Variants in CFAP61 observed in about 807,000 individuals in gnomAD.
The protein encoded by CFAP61 is cilia and flagella associated protein 61.
In CFAP61, 107 loss-of-function variants were observed where a neutral mutation model predicts 135.6. That is an observed-to-expected ratio of 0.79 (90% confidence interval 0.67 to 0.93). CFAP61 has a LOEUF of 0.93. Ranked by LOEUF, CFAP61 falls within the 40% of genes least tolerant of loss-of-function variation. CFAP61 has a pLI of 0.00. For missense variants in CFAP61, 1,507 were observed against 1,556.2 expected (o/e 0.97, Z 0.53); for synonymous variants, 575 against 578.5 (o/e 0.99, Z 0.09).
intron 13 of CFAP61, among the ~76,000 whole-genome samples, chr20:20,187,363 T>G (rs1440244502): frequency 1.3e-5 from 2 of 152,152 alleles, no homozygotes; most frequent in Admixed American, 1.3e-4. Context: ...AAAACCATCA[T>G]GGAGAGACTG....
intron 13 of CFAP61, among the ~76,000 whole-genome samples, chr20:20,184,810 ACTT>A (rs2055385176): frequency 6.6e-6 from 1 of 152,100 alleles, no homozygotes; most frequent in Non-Finnish European, 1.5e-5. Context: ...TGACATAAGA[ACTT>A]CTGATGAAGT....
chr20:20,254,600 A>G (rs1180715131), intron 20 of CFAP61, among the ~76,000 whole-genome samples: 3 of 152,236 alleles, frequency 2.0e-5, no homozygotes, highest in Non-Finnish European at 4.4e-5. Context: ...ATCAAAGTAC[A>G]TAGAGTGGTA....
intron 8 of CFAP61, among the ~76,000 whole-genome samples, chr20:20,100,282 C>G (rs1156569356): frequency 6.6e-6 from 1 of 151,686 alleles, no homozygotes; most frequent in Non-Finnish European, 1.5e-5. Flanking sequence ...AAGTGATTCT[C>G]CTGTCTCAGC....
chr20:20,230,845 A>G (rs1306680531), intron 18 of CFAP61, among the ~76,000 whole-genome samples: 1 of 152,160 alleles, frequency 6.6e-6, no homozygotes, highest in African/African-American at 2.4e-5. Flanking sequence ...CAGGGGCCAC[A>G]GCGCCCTGCT....
chr20:20,235,311 G>C (rs1337574058), intron 18 of CFAP61, among the ~76,000 whole-genome samples: 3 of 152,024 alleles, frequency 2.0e-5, no homozygotes, highest in Admixed American at 1.3e-4. Flanking sequence ...TCTCCTCCTT[G>C]AACAGAGGCT....
intron 18 of CFAP61, among the ~76,000 whole-genome samples, chr20:20,240,569 G>A (rs1054576889): frequency 2.7e-5 from 4 of 150,088 alleles, no homozygotes; most frequent in Non-Finnish European, 3.0e-5. Flanking sequence ...TGTGGAGTCC[G>A]CCATCTTTTT....
Position 20,349,539 on chromosome 20 carries a change from T to C in CFAP61, c.3513+7618T>C, listed in dbSNP as rs900885867. 3.3e-5 allele frequency among the ~76,000 whole-genome samples: 5 copies of C among 152,144 alleles called. No homozygotes were observed. The East Asian group carries it at 5.8e-4, about 18-fold the overall frequency. On this transcript the variant is annotated intron_variant, in intron 26 of 26. Coordinates refer to ENST00000245957, the MANE Select transcript of CFAP61 (RefSeq NM_015585.4). ...CCTCCTCCAGGTCCCACTTCCAGCA[T>C]TGGGGATCACATTCCAGCATGAGAG...
intron 24 of CFAP61, among the ~76,000 whole-genome samples, chr20:20,294,878 A>T (rs1237660602): frequency 6.6e-6 from 1 of 150,748 alleles, no homozygotes; most frequent in African/African-American, 2.4e-5. Flanking sequence ...CAGTGAGCCG[A>T]GATTGCGCCA....
intron 4 of CFAP61, among the ~76,000 whole-genome samples, 191 bp from the exon 5 acceptor site, chr20:20,074,998 A>G (rs1316512378): frequency 6.6e-6 from 1 of 152,160 alleles, no homozygotes; most frequent in Non-Finnish European, 1.5e-5. Flanking sequence ...GCCCTTTAGA[A>G]CCCAAGGAAA....
chr20:20,242,469 A>G (rs1002396709), intron 18 of CFAP61, among the ~76,000 whole-genome samples: 1 of 152,222 alleles, frequency 6.6e-6, no homozygotes, highest in African/African-American at 2.4e-5. Context: ...TACCTGTAGG[A>G]CTAGTTAGAG....
intron 21 of CFAP61, among the ~76,000 whole-genome samples, chr20:20,267,204 A>G (rs2147020704): frequency 6.6e-6 from 1 of 152,048 alleles, no homozygotes; most frequent in South Asian, 2.1e-4. Context: ...ATAAGAAGAG[A>G]GAGAGGCTGG....
At chr20:20,231,482 G>A (rs1433012394) in intron 18 of CFAP61, among the ~76,000 whole-genome samples, 2 of 152,196 alleles carry the variant, frequency 1.3e-5, no homozygotes, top group Non-Finnish European at 2.9e-5. Context: ...GGAGCCAGTG[G>A]CCCTGCTCTC....
intron 2 of CFAP61, among the ~76,000 whole-genome samples, chr20:20,060,789 G>T (rs920002204): frequency 6.6e-6 from 1 of 152,232 alleles, no homozygotes; most frequent in Non-Finnish European, 1.5e-5. Flanking sequence ...CTCCGGAAGT[G>T]CTCCTTCTCA....
chr20:20,142,654 A>G (rs2051502940), intron 8 of CFAP61, among the ~76,000 whole-genome samples: 1 of 152,142 alleles, frequency 6.6e-6, no homozygotes, highest in African/African-American at 2.4e-5. Context: ...GGAGGGAGGA[A>G]CTAGCCCAGA....
intron 8 of CFAP61, among the ~76,000 whole-genome samples, chr20:20,121,882 G>A (rs548394382): frequency 7.3e-5 from 11 of 150,068 alleles, no homozygotes; most frequent in Admixed American, 2.0e-4. Context: ...TCTTACTGTT[G>A]TCCTTTATGG....
intron 13 of CFAP61, among the ~76,000 whole-genome samples, chr20:20,176,751 A>G (rs2054659173): frequency 6.6e-6 from 1 of 152,182 alleles, no homozygotes; most frequent in Admixed American, 6.5e-5. Flanking sequence ...GCATCAGGAT[A>G]AGTAGCTAAT....
At chr20:20,086,161 C>T (rs868085282) in intron 6 of CFAP61, among the ~76,000 whole-genome samples, 6,299 of 144,528 alleles carry the variant, frequency 0.044, 445 homozygotes, top group African/African-American at 0.15. Context: ...TTTTTTTTTT[C>T]TTTCAAATTT....
intron 9 of CFAP61, among the ~76,000 whole-genome samples, chr20:20,149,092 T>C (rs1488419730): frequency 6.6e-6 from 1 of 152,206 alleles, no homozygotes; most frequent in African/African-American, 2.4e-5. Context: ...AATTGACATA[T>C]ATAAAATACT....
In CFAP61 at chr20:20,192,736, T is replaced by C. The variant is rs563627876; in HGVS notation, c.1590+1317T>C. 2.0e-5 allele frequency among the ~76,000 whole-genome samples: 3 copies of C among 152,250 alleles called. No homozygotes were observed. The East Asian group carries it at 5.8e-4, about 29-fold the overall frequency. ...CCCTGACCTGACACAGTTCTAGACGTTGATCACTTATTTCTACGTGTTTTG... is the reference window on the plus strand; with the variant it reads ...CCCTGACCTGACACAGTTCTAGACGCTGATCACTTATTTCTACGTGTTTTG... On this transcript the variant is annotated intron_variant, in intron 15 of 26. Coordinates refer to ENST00000245957, the MANE Select transcript of CFAP61 (RefSeq NM_015585.4).
Sources: gnomAD v4.1 joint callset for allele counts (sites outside exome capture counted in the v4.1 genomes callset) on GRCh38, gnomAD v4.1.1 for gene constraint, MANE v1.5 for transcripts, NCBI Gene and HGNC (gene_info 2026-07-23, HGNC 2026-07-21) for gene names.